Variants in RPA2 observed in about 807,000 individuals in gnomAD.
The protein encoded by RPA2 is replication protein A 32 kDa subunit.
In RPA2, 22 loss-of-function variants were observed where a neutral mutation model predicts 33.4. That is an observed-to-expected ratio of 0.66 (90% CI 0.47 to 0.94). The LOEUF (loss-of-function observed/expected upper bound fraction) is 0.94. Among genes scored for constraint, RPA2 ranks in the 40% least tolerant of loss-of-function variants. The pLI, the probability that RPA2 is intolerant of heterozygous loss-of-function variation, is 0.00. For synonymous variants in RPA2, 109 were observed against 114.9 expected, an observed-to-expected ratio of 0.95 and a Z score of 0.33; for missense variants, 279 against 329.9, an observed-to-expected ratio of 0.85 and a Z score of 1.19.
At chr1:27,909,979 TAA>T (rs2090078020) in intron 2 of RPA2, among the ~76,000 whole-genome samples, 1 of 152,192 alleles carries the variant, frequency 6.6e-6, no homozygotes, top group Admixed American at 6.6e-5. Context: ...ATTTTATAGG[TAA>T]AGTTACATGC....
At chr1:27,899,736 A>C (rs988860865) in intron 4 of RPA2, among the ~76,000 whole-genome samples, 1 of 151,866 alleles carries the variant, frequency 6.6e-6, no homozygotes, top group African/African-American at 2.4e-5. Context: ...GCTGGAGTGC[A>C]GTGGTGGGAT....
intron 4 of RPA2, among the ~76,000 whole-genome samples, chr1:27,898,441 T>G (rs962150329): frequency 1.5e-4 from 23 of 152,144 alleles, no homozygotes; most frequent in African/African-American, 5.5e-4. Flanking sequence ...CAATACACAC[T>G]AAACTGTTTA....
chr1:27,910,296 T>A (rs893952780), intron 2 of RPA2, among the ~76,000 whole-genome samples: 36 of 152,308 alleles, frequency 2.4e-4, no homozygotes, highest in Non-Finnish European at 2.1e-4. Context: ...CTAATACCAA[T>A]CTCTACATGT....
intron 2 of RPA2, among the ~76,000 whole-genome samples, chr1:27,911,667 T>G (rs536657883): frequency 6.6e-6 from 1 of 152,350 alleles, no homozygotes; most frequent in African/African-American, 2.4e-5. Context: ...CAGCATCATG[T>G]GCGTACTGTC....
intron 4 of RPA2, among the ~76,000 whole-genome samples, chr1:27,899,280 G>A (rs568099838): frequency 1.6e-4 from 25 of 151,908 alleles, no homozygotes; most frequent in South Asian, 4.2e-4. Context: ...AGGCTGAGGC[G>A]GGCGGATCAC....
At chr1:27,907,067 A>T (rs2090038665) in intron 3 of RPA2, 26 bp from the exon 4 acceptor site, 1 of 1,579,320 alleles carries the variant, frequency 6.3e-7, no homozygotes, top group African/African-American at 1.4e-5. Flanking sequence ...CAAAGAAAAA[A>T]AAAAAAGGTC....
rs373117782 is a variant in RPA2 at position 27,894,376 on chromosome 1, T to C, written c.547A>G (p.Ile183Val). Reference sequence around the variant, plus strand: ...GCTTCACTCATTCCTGGATTGCTGATAGGTGCTCTCCCTGCTGAGGGCTGA... The same window carrying C: ...GCTTCACTCATTCCTGGATTGCTGACAGGTGCTCTCCCTGCTGAGGGCTGA... ...NSQPSAGRAP[I>V]SNPGMSEAGN... The change falls in exon 7 of 9, where the codon ATC becomes GTC. Residue 183 changes from isoleucine to valine, a missense_variant. Transcript: ENST00000373912. The C allele has an allele frequency of 1.2e-5, 19 of 1,613,824 alleles. No homozygotes were observed. The highest frequency in any genetic ancestry group is 5.0e-5 in the Admixed American group (3 of 60,010).
intron 8 of RPA2, among the ~76,000 whole-genome samples, chr1:27,893,147 C>T (rs17185038): frequency 6.6e-6 from 1 of 152,176 alleles, no homozygotes; most frequent in Admixed American, 6.6e-5. Flanking sequence ...ATAATGAAAT[C>T]AGGTCAACTT....
rs181048690 is a variant in RPA2, at chr1:27,900,060, C to T, written c.334-2353G>A. Among the ~76,000 whole-genome samples the T allele has an allele frequency of 7.3e-4, 111 of 152,310 alleles. 2 individuals are homozygous for T. In the East Asian group the frequency reaches 0.016, roughly 22 times the overall value. On this transcript the variant is annotated intron_variant, in intron 4 of 8. Transcript: ENST00000373912. ...CTGACTTCAGGTGATCCACCCGCCT[C>T]CGCCTCCCAAAGTGTTGGGATTACA...
At chr1:27,911,086 T>C (rs2148662277) in intron 2 of RPA2, among the ~76,000 whole-genome samples, 1 of 151,870 alleles carries the variant, frequency 6.6e-6, no homozygotes, top group South Asian at 2.1e-4. Flanking sequence ...AATGGTGGCA[T>C]GCGCCTGTAG....
chr1:27,893,619 T>C (rs1393071240), intron 8 of RPA2, among the ~76,000 whole-genome samples: 2 of 151,864 alleles, frequency 1.3e-5, no homozygotes, highest in African/African-American at 4.8e-5. Context: ...AACTTTTACT[T>C]TTTTTTGAGA....
At chr1:27,893,303 GCAGTT>G (rs1400755548) in intron 8 of RPA2, among the ~76,000 whole-genome samples, 1 of 152,134 alleles carries the variant, frequency 6.6e-6, no homozygotes, top group Non-Finnish European at 1.5e-5. Context: ...CAACAGGGTT[GCAGTT>G]AAGTTTTTTT....
Position 27,894,280 on chromosome 1 carries a change from T to C in RPA2, c.633+10A>G, listed in dbSNP as rs927488904. 1.9e-6 allele frequency: 3 copies of C among 1,611,296 alleles called. No individual in the cohort carries two copies. In the East Asian group the frequency reaches 6.7e-5, roughly 36 times the overall value. ...TTTTGTATTTCTGAAGCCACTCTGG[T>C]GGAGGTTACCTGGTTTTGGGCCACA... On this transcript the variant is annotated intron_variant, in intron 7 of 8. Coordinates refer to ENST00000373912, the MANE Select transcript of RPA2 (RefSeq NM_002946.5).
At chr1:27,912,378 TA>T (rs77929837) in intron 2 of RPA2, among the ~76,000 whole-genome samples, 273 of 126,700 alleles carry the variant, frequency 2.2e-3, no homozygotes, top group Middle Eastern at 4.0e-3. Flanking sequence ...ATGCCACCTC[TA>T]AAAAAAAAAA....
At chr1:27,902,818 C>T (rs886229422) in intron 4 of RPA2, among the ~76,000 whole-genome samples, 3 of 151,874 alleles carry the variant, frequency 2.0e-5, no homozygotes, top group African/African-American at 4.8e-5. Context: ...ATGACTGAAG[C>T]GTAAACTGGT....
chr1:27,897,177 G>A, intron 5 of RPA2, 56 bp from the exon 6 acceptor site: 1 of 1,177,124 alleles, frequency 8.5e-7, no homozygotes, highest in Non-Finnish European at 1.3e-6. Flanking sequence ...TTAATTTCAG[G>A]TCAACACTGT....
chr1:27,897,170 A>C, intron 5 of RPA2, 49 bp from the exon 6 acceptor site: 1 of 1,294,568 alleles, frequency 7.7e-7, no homozygotes, highest in Non-Finnish European at 1.1e-6. Context: ...ACATACATTA[A>C]TTTCAGGTCA....
upstream of RPA2, chr1:27,914,592 T>A: frequency 1.2e-6 from 2 of 1,613,680 alleles, no homozygotes; most frequent in Non-Finnish European, 1.7e-6. Flanking sequence ...GCCAGTCAGC[T>A]CCCGGGGTGC....
Position 27,914,500 on chromosome 1 carries a change from G to A in RPA2, c.-57C>T. The A allele has an allele frequency of 1.3e-6, 2 of 1,593,808 alleles. No homozygotes were observed. Among genetic ancestry groups the A allele is most frequent in the East Asian group, 2.2e-5 (1 of 44,776 alleles). On this transcript the variant is annotated 5_prime_UTR_variant, in exon 1 of 9. Coordinates refer to ENST00000373912, the MANE Select transcript of RPA2 (RefSeq NM_002946.5). ...AAGGTGCGGGTCTGGGGGAATAGCG[G>A]AAAACCACAGAACGCGGCCGCCACT...
Sources: allele counts gnomAD v4.1 joint callset (sites outside exome capture counted in the v4.1 genomes callset), GRCh38; gene constraint gnomAD v4.1.1; transcripts MANE v1.5; gene names NCBI Gene and HGNC (gene_info 2026-07-23, HGNC 2026-07-21).